The following RASA3 variants were observed in gnomAD, a reference collection of about 807,000 sequenced individuals.
The protein encoded by RASA3 is RAS p21 protein activator 3, also known as ras GTPase-activating protein 3.
RASA3 carries 73 observed loss-of-function variants against 110.0 expected under a neutral mutation model. The observed-to-expected ratio is 0.66, with a 90% CI of 0.55 to 0.81. RASA3 has a LOEUF of 0.81. Among genes scored for constraint, RASA3 ranks in the 30% least tolerant of loss-of-function variants. RASA3 has a pLI of 0.00. For synonymous variants in RASA3, 500 were observed against 451.4 expected (o/e 1.11, Z -1.37); for missense variants, 976 against 1,113.2 (o/e 0.88, Z 1.75).
chr13:114,045,022 T>C (rs568533298), intron 3 of RASA3, among the ~76,000 whole-genome samples: 9 of 152,260 alleles, frequency 5.9e-5, no homozygotes, highest in Admixed American at 4.6e-4. Context: ...TAAAATCCCT[T>C]CGAGAAGGGA....
At position 113,981,761 on chromosome 13, in the gene RASA3, C is replaced by T. The variant is rs745811138; in HGVS notation, c.2343G>A (p.Lys781=). 42 of 1,614,006 alleles carry T rather than the reference C, an allele frequency of 2.6e-5. No homozygotes were observed. Among genetic ancestry groups the T allele is most frequent in the Non-Finnish European group, 3.5e-5 (41 of 1,180,010 alleles). Residue 781 remains lysine (K), a synonymous_variant, in exon 23 of 24, where the codon AAG becomes AAA. Coordinates refer to ENST00000334062, the MANE Select transcript of RASA3 (RefSeq NM_007368.4). ...DDPQETYKTL[K]QVIAGVGALE... ...AAGCCCCAACCCCAGCGATGACTTG[C>T]TTTAGCGTCTTGTAGGTCTCCTGGG...
chr13:114,040,785 C>T (rs569588181), intron 4 of RASA3, among the ~76,000 whole-genome samples: 7 of 150,712 alleles, frequency 4.6e-5, no homozygotes, highest in South Asian at 4.2e-4. Context: ...GCGCTCACTC[C>T]GAGCACAAGC....
At chr13:114,052,197 G>T in intron 2 of RASA3, 42 bp from the exon 3 acceptor site, 1 of 1,385,260 alleles carries the variant, frequency 7.2e-7, no homozygotes. Flanking sequence ...CACAGGCCAC[G>T]CTTGCGCCTC....
At chr13:114,028,212 G>A (rs1424755332) in intron 5 of RASA3, among the ~76,000 whole-genome samples, 1 of 128,038 alleles carries the variant, frequency 7.8e-6, no homozygotes, top group African/African-American at 3.1e-5. Flanking sequence ...GGGGGGCGGG[G>A]GGCAGGACCC....
intron 1 of RASA3, 78 bp from the exon 2 acceptor site, chr13:114,073,915 C>G (rs1416383374): frequency 1.5e-6 from 2 of 1,295,428 alleles, no homozygotes; most frequent in African/African-American, 1.5e-5. Context: ...ACGTTTCCAG[C>G]CTTTGCTTGT....
At chr13:113,996,024 C>T (rs186674118) in intron 21 of RASA3, among the ~76,000 whole-genome samples, 17 of 102,916 alleles carry the variant, frequency 1.7e-4, no homozygotes, top group African/African-American at 5.8e-4. Context: ...ATGGGGGACC[C>T]GGCTGATGGG....
intron 18 of RASA3, among the ~76,000 whole-genome samples, chr13:114,003,131 C>G (rs566104103): frequency 2.0e-5 from 3 of 152,326 alleles, no homozygotes; most frequent in African/African-American, 7.2e-5. Context: ...CTTGCACAAC[C>G]GAGGGTGGCC....
intron 20 of RASA3, among the ~76,000 whole-genome samples, chr13:113,998,122 T>C (rs1266814189): frequency 6.6e-6 from 1 of 152,160 alleles, no homozygotes; most frequent in Non-Finnish European, 1.5e-5. Context: ...AGGGAATTAT[T>C]GGGAATCTAT....
At chr13:114,072,921 C>T (rs185665101) in intron 2 of RASA3, among the ~76,000 whole-genome samples, 7 of 136,960 alleles carry the variant, frequency 5.1e-5, no homozygotes, top group Admixed American at 4.8e-4. Flanking sequence ...GATGTACACG[C>T]TCAGGACATT....
chr13:114,073,831 G>A lies in RASA3; in HGVS notation c.62C>T (p.Ala21Val), dbSNP rs950244049. ...CCCCGGGTAAGAGGGAAGGTTTTTGGCTTCACCTAAAAAGTAAAAGCGACA... is the reference window on the plus strand; with the variant it reads ...CCCCGGGTAAGAGGGAAGGTTTTTGACTTCACCTAAAAAGTAAAAGCGACA... ...FQSVKIKIGE[A>V]KNLPSYPGPS... The change falls in exon 2 of 24, where the codon GCC (alanine) becomes GTC (valine). Residue 21 changes from alanine to valine, a missense_variant. Transcript: ENST00000334062. 1 of 1,613,838 alleles carries A rather than the reference G, an allele frequency of 6.2e-7. No homozygotes were observed. The highest frequency in any genetic ancestry group is 8.5e-7 in the Non-Finnish European group (1 of 1,179,740).
intron 1 of RASA3, among the ~76,000 whole-genome samples, chr13:114,113,440 C>T (rs868366525): frequency 3.3e-5 from 5 of 152,168 alleles, no homozygotes; most frequent in Non-Finnish European, 5.9e-5. Context: ...TTGCTTCTGA[C>T]GAATTTCTTA....
intron 1 of RASA3, among the ~76,000 whole-genome samples, chr13:114,109,547 C>T (rs1328432052): frequency 6.6e-6 from 1 of 152,250 alleles, no homozygotes; most frequent in Non-Finnish European, 1.5e-5. Context: ...ACAGGGTCCT[C>T]TCTAATCTTC....
chr13:114,116,877 G>A (rs544502300), intron 1 of RASA3, among the ~76,000 whole-genome samples: 1 of 135,394 alleles, frequency 7.4e-6, no homozygotes, highest in South Asian at 2.5e-4. Flanking sequence ...GGGTGCACAT[G>A]TATGAGGGGT....
At chr13:114,036,029 C>T (rs955339012) in intron 4 of RASA3, 2 of 152,270 alleles carry the variant, frequency 1.3e-5, no homozygotes, top group African/African-American at 4.8e-5. Flanking sequence ...CTGTGATCCC[C>T]TGCAGGGCTG....
At chr13:114,108,461 C>T (rs2080170895) in intron 1 of RASA3, among the ~76,000 whole-genome samples, 1 of 131,998 alleles carries the variant, frequency 7.6e-6, no homozygotes, top group Non-Finnish European at 1.6e-5. Flanking sequence ...CCGTCATCCT[C>T]CGTCCATCAC....
rs780006965 is a variant in RASA3 at position 114,132,463 on chromosome 13, C to T, written c.27G>A (p.Arg9=). 1.3e-6 allele frequency: 2 copies of T among 1,519,472 alleles called. No homozygotes were observed. Among genetic ancestry groups the T allele is most frequent in the South Asian group, 1.2e-5 (1 of 81,708 alleles). 94.1% of individuals were successfully genotyped at this position (1,519,472 alleles called of 1,614,324 possible). ...TCTTGATCTTCACGCTCTGGAAGACCCGGAGCCCCTCGTCCTCCACCGCCA... is the reference window on the plus strand; with the variant it reads ...TCTTGATCTTCACGCTCTGGAAGACTCGGAGCCCCTCGTCCTCCACCGCCA... MAVEDEGL[R]VFQSVKIKIG... The change falls in exon 1 of 24, where the codon CGG becomes CGA. Residue 9 remains arginine, a synonymous_variant. Coordinates refer to ENST00000334062, the MANE Select transcript of RASA3 (RefSeq NM_007368.4).
chr13:114,074,986 C>T (rs74116466), intron 1 of RASA3, among the ~76,000 whole-genome samples: 2,608 of 152,318 alleles, frequency 0.017, 57 homozygotes, highest in African/African-American at 0.06. Flanking sequence ...AAAAAAACGC[C>T]TCAAACACAC....
rs755220076 is a variant in RASA3 at position 113,996,750 on chromosome 13, A to G, written c.1933-11T>C. ...GATGACCTGGAACATCTGAGGACACAGGTGGGCTCAGGACAGCGCACATGA... is the reference window on the plus strand; with the variant it reads ...GATGACCTGGAACATCTGAGGACACGGGTGGGCTCAGGACAGCGCACATGA... On this transcript the variant is annotated splice_polypyrimidine_tract_variant and intron_variant, in intron 20 of 23. Transcript: ENST00000334062. 9 of 1,610,750 alleles carry G rather than the reference A, an allele frequency of 5.6e-6. No individual in the cohort carries two copies. The highest frequency in any genetic ancestry group is 7.6e-6 in the Non-Finnish European group (9 of 1,177,674).
chr13:113,998,256 T>G (rs534695826), intron 20 of RASA3, among the ~76,000 whole-genome samples: 5 of 151,492 alleles, frequency 3.3e-5, no homozygotes, highest in Non-Finnish European at 7.4e-5. Flanking sequence ...CCTCTTCCCA[T>G]CTCCCCCTCT....
Sources: allele counts gnomAD v4.1 joint callset (sites outside exome capture counted in the v4.1 genomes callset), GRCh38; gene constraint gnomAD v4.1.1; transcripts MANE v1.5; gene names NCBI Gene and HGNC (gene_info 2026-07-23, HGNC 2026-07-21).